Variants in SH3GL2 observed in about 807,000 individuals in gnomAD.
SH3GL2 encodes SH3 domain containing GRB2 like 2, endophilin A1.
A neutral mutation model predicts 46.0 loss-of-function variants in SH3GL2; 24 were observed. The observed-to-expected ratio is 0.52, with a 90% CI of 0.38 to 0.73. The LOEUF (loss-of-function observed/expected upper bound fraction) is 0.73, where lower values mean the gene tolerates loss of function less well. Ranked by LOEUF, SH3GL2 falls within the 30% of genes least tolerant of loss-of-function variation. The pLI is 0.00. For missense variants in SH3GL2, 413 were observed against 424.2 expected (o/e 0.97, Z 0.23); for synonymous variants, 196 against 147.1 (o/e 1.33, Z -2.40).
intron 1 of SH3GL2, among the ~76,000 whole-genome samples, chr9:17,728,507 G>A (rs1001421320): frequency 5.3e-5 from 8 of 151,790 alleles, no homozygotes; most frequent in Non-Finnish European, 1.0e-4. Context: ...TTTAAGTTCT[G>A]GGATACATGT....
chr9:17,751,220 A>G (rs1822833660), intron 2 of SH3GL2, among the ~76,000 whole-genome samples: 1 of 152,176 alleles, frequency 6.6e-6, no homozygotes, highest in South Asian at 2.1e-4. Context: ...GTTGTTGAGA[A>G]AGAATGCCAT....
intron 1 of SH3GL2, among the ~76,000 whole-genome samples, chr9:17,666,369 A>T (rs1188506423): frequency 6.6e-6 from 1 of 152,236 alleles, no homozygotes; most frequent in Non-Finnish European, 1.5e-5. Flanking sequence ...CCCCAGAAAC[A>T]TTATGACTCT....
chr9:17,759,760 A>C (rs1003165022), intron 2 of SH3GL2, among the ~76,000 whole-genome samples: 8 of 152,160 alleles, frequency 5.3e-5, no homozygotes, highest in Admixed American at 5.2e-4. Flanking sequence ...GCCATTGGAA[A>C]ATTTAATTCC....
intron 1 of SH3GL2, among the ~76,000 whole-genome samples, chr9:17,711,837 GAA>G (rs1821632916): frequency 6.6e-6 from 1 of 151,714 alleles, no homozygotes. Context: ...TCTAAGAATG[GAA>G]TAGCTGGATT....
chr9:17,646,159 C>T (rs1168830818), intron 1 of SH3GL2, among the ~76,000 whole-genome samples: 2 of 151,548 alleles, frequency 1.3e-5, no homozygotes, highest in African/African-American at 4.9e-5. Flanking sequence ...TCTGCTTGAT[C>T]GATTTGGCTA....
At chr9:17,752,290 G>A (rs1431081315) in intron 2 of SH3GL2, among the ~76,000 whole-genome samples, 1 of 152,104 alleles carries the variant, frequency 6.6e-6, no homozygotes, top group Non-Finnish European at 1.5e-5. Flanking sequence ...TTATTGAGCT[G>A]TTCTTGTTCA....
At chr9:17,630,101 C>G (rs970434048) in intron 1 of SH3GL2, among the ~76,000 whole-genome samples, 2 of 152,122 alleles carry the variant, frequency 1.3e-5, no homozygotes, top group African/African-American at 4.8e-5. Context: ...TTTTGGAAAT[C>G]AGGGTTATAG....
In SH3GL2 at chr9:17,771,300, A is replaced by G. The variant is rs776318608; in HGVS notation, c.187+9791A>G. The stretch of plus-strand genomic sequence containing the variant: ...AGTCCAGTTCCACCAAAGACTGAAG[A>G]TATCTTTGTGTTTTGAAACATGATA... On this transcript the variant is annotated intron_variant, in intron 3 of 8. Transcript: ENST00000380607. Among the ~76,000 whole-genome samples the G allele has an allele frequency of 2.0e-5, 3 of 152,184 alleles. No homozygotes were observed. In the South Asian group the frequency reaches 6.2e-4, roughly 32 times the overall value.
intron 4 of SH3GL2, 89 bp from the exon 5 acceptor site, chr9:17,787,291 C>G: frequency 9.7e-7 from 1 of 1,027,242 alleles, no homozygotes; most frequent in South Asian, 1.5e-5. Context: ...AAGTGGTAAT[C>G]CTTTGGGTTT....
intron 1 of SH3GL2, among the ~76,000 whole-genome samples, chr9:17,587,342 C>G (rs1238591813): frequency 1.3e-5 from 2 of 152,216 alleles, no homozygotes; most frequent in Non-Finnish European, 2.9e-5. Context: ...GTGAAATCCC[C>G]TGCCTGCCAG....
At chr9:17,718,493 C>T (rs537215112) in intron 1 of SH3GL2, among the ~76,000 whole-genome samples, 1 of 152,064 alleles carries the variant, frequency 6.6e-6, no homozygotes, top group African/African-American at 2.4e-5. Context: ...GACGCCAAGG[C>T]GGGTGGATTG....
chr9:17,643,723 G>C (rs1391777684), intron 1 of SH3GL2, among the ~76,000 whole-genome samples: 1 of 152,202 alleles, frequency 6.6e-6, no homozygotes, highest in Non-Finnish European at 1.5e-5. Context: ...TGTGCTGCTG[G>C]ATTCGGTTTG....
chr9:17,645,668 A>G (rs532374469), intron 1 of SH3GL2, among the ~76,000 whole-genome samples: 36 of 152,114 alleles, frequency 2.4e-4, no homozygotes, highest in Non-Finnish European at 4.7e-4. Flanking sequence ...TGGGTTGAAA[A>G]TTCTTGTCTT....
At chr9:17,776,418 A>G (rs1823642076) in intron 3 of SH3GL2, among the ~76,000 whole-genome samples, 1 of 152,098 alleles carries the variant, frequency 6.6e-6, no homozygotes, top group African/African-American at 2.4e-5. Context: ...TGGTCCCCTG[A>G]CATTTTACAC....
At chr9:17,587,899 CAA>C (rs398068497) in intron 1 of SH3GL2, among the ~76,000 whole-genome samples, 1 of 140,706 alleles carries the variant, frequency 7.1e-6, no homozygotes, top group Admixed American at 7.2e-5. Flanking sequence ...AAACAAAAAC[CAA>C]AAAAAAAAAA....
chr9:17,693,612 C>T (rs758601113), intron 1 of SH3GL2, among the ~76,000 whole-genome samples: 3 of 152,106 alleles, frequency 2.0e-5, no homozygotes, highest in Admixed American at 6.6e-5. Flanking sequence ...TTTATTCTGC[C>T]ATTTTATACA....
intron 1 of SH3GL2, among the ~76,000 whole-genome samples, chr9:17,735,286 C>T (rs1400800971): frequency 6.6e-6 from 1 of 152,088 alleles, no homozygotes; most frequent in African/African-American, 2.4e-5. Context: ...CCATTAGTGC[C>T]AGGTTGGAAT....
chr9:17,658,952 C>A (rs560826742), intron 1 of SH3GL2, among the ~76,000 whole-genome samples: 23 of 152,288 alleles, frequency 1.5e-4, no homozygotes, highest in African/African-American at 5.5e-4. Flanking sequence ...CTAATTAAAT[C>A]ATTTAACACT....
intron 1 of SH3GL2, among the ~76,000 whole-genome samples, chr9:17,725,515 C>T (rs542713600): frequency 1.3e-5 from 2 of 152,234 alleles, no homozygotes; most frequent in South Asian, 2.1e-4. Context: ...AAGTCAGTCT[C>T]CTCAGTCAGC....
Sources: allele counts gnomAD v4.1 joint callset (sites outside exome capture counted in the v4.1 genomes callset), GRCh38; gene constraint gnomAD v4.1.1; transcripts MANE v1.5; gene names NCBI Gene and HGNC (gene_info 2026-07-23, HGNC 2026-07-21).